The following METTL25 variants were observed in gnomAD, a reference collection of about 807,000 sequenced individuals.
METTL25 encodes the protein methyltransferase like 25, also known as probable methyltransferase-like protein 25.
In METTL25, 64 loss-of-function variants were observed where a neutral mutation model predicts 71.6. The observed-to-expected ratio is 0.89, with a 90% CI of 0.73 to 1.10. METTL25 has a LOEUF of 1.10. METTL25 is among the 50% of genes least tolerant of loss of function. The probability of loss-of-function intolerance (pLI) is 0.00; values close to 1 mark genes in which losing one functional copy is unlikely to be tolerated. For synonymous variants in METTL25, 287 were observed against 250.3 expected (o/e 1.15, Z -1.38); for missense variants, 807 against 707.0 (o/e 1.14, Z -1.60).
At chr12:82,459,302 A>C (rs1891700997) in intron 9 of METTL25, among the ~76,000 whole-genome samples, 1 of 152,216 alleles carries the variant, frequency 6.6e-6, no homozygotes, top group Non-Finnish European at 1.5e-5. Flanking sequence ...ATTTTTAAAA[A>C]GAGCTAAAAG....
At chr12:82,419,407 C>T (rs551983926) in intron 5 of METTL25, among the ~76,000 whole-genome samples, 9 of 152,162 alleles carry the variant, frequency 5.9e-5, no homozygotes, top group East Asian at 1.9e-4. Context: ...AGTTGTACAA[C>T]GAGAAGGCCT....
At chr12:82,464,761 A>C (rs987836844) in intron 9 of METTL25, among the ~76,000 whole-genome samples, 1 of 151,582 alleles carries the variant, frequency 6.6e-6, no homozygotes, top group African/African-American at 2.4e-5. Flanking sequence ...ATGTTTCTCC[A>C]TTTGTTTCTA....
At chr12:82,433,165 T>C (rs1344716058) in intron 6 of METTL25, among the ~76,000 whole-genome samples, 1 of 151,704 alleles carries the variant, frequency 6.6e-6, no homozygotes, top group Non-Finnish European at 1.5e-5. Context: ...TATTTCTAAA[T>C]TAAGCTTATC....
At chr12:82,402,361 A>G (rs1324103638) in intron 4 of METTL25, among the ~76,000 whole-genome samples, 1 of 152,126 alleles carries the variant, frequency 6.6e-6, no homozygotes. Context: ...AATTAATATT[A>G]TGGTCAAAGT....
At chr12:82,427,403 A>G (rs559773021) in intron 5 of METTL25, among the ~76,000 whole-genome samples, 2 of 152,040 alleles carry the variant, frequency 1.3e-5, no homozygotes, top group Admixed American at 1.3e-4. Flanking sequence ...GGTTTCTTGT[A>G]TTAGATTTTT....
rs145438439 is a variant in METTL25, at chr12:82,456,744, A to G, written c.1496A>G (p.Lys499Arg). Residue 499 changes from lysine to arginine, a missense_variant, in exon 9 of 12, where the codon AAA becomes AGA. Lys to Arg is a conservative substitution (Grantham distance 26, BLOSUM62 2). Transcript: ENST00000248306. ...GITKCDRHVG[K>R]IYSKCSSFLD... ...TTTTACAGTGATCGGCATGTTGGTA[A>G]AATTTATTCCAAATGTTCTTCTTTT... 463 of 1,597,790 alleles carry G rather than the reference A, an allele frequency of 2.9e-4. No individual in the cohort carries two copies. In the African/African-American group the frequency reaches 5.6e-3, roughly 19 times the overall value.
At chr12:82,377,857 A>C (rs1353899896) in intron 1 of METTL25, among the ~76,000 whole-genome samples, 1 of 152,240 alleles carries the variant, frequency 6.6e-6, no homozygotes, top group African/African-American at 2.4e-5. Flanking sequence ...AAGTATGCAC[A>C]AATATTCACA....
intron 5 of METTL25, among the ~76,000 whole-genome samples, chr12:82,409,545 T>C (rs905377433): frequency 6.6e-6 from 1 of 152,084 alleles, no homozygotes; most frequent in South Asian, 2.1e-4. Flanking sequence ...TCTTCTTTGC[T>C]AACTGAACCA....
intron 1 of METTL25, among the ~76,000 whole-genome samples, chr12:82,361,468 C>T (rs538720795): frequency 4.6e-5 from 7 of 151,970 alleles, no homozygotes; most frequent in Non-Finnish European, 7.4e-5. Context: ...AAGCAGGAGG[C>T]GGTGCTCGTT....
intron 8 of METTL25, chr12:82,451,376 C>A: frequency 2.7e-6 from 1 of 367,096 alleles, no homozygotes; most frequent in Non-Finnish European, 3.8e-6. Context: ...CCCACTGCAT[C>A]ATATCACTGT....
intron 5 of METTL25, among the ~76,000 whole-genome samples, chr12:82,417,274 A>T (rs1044808845): frequency 3.9e-5 from 6 of 152,178 alleles, no homozygotes; most frequent in Non-Finnish European, 8.8e-5. Context: ...TTATTGTTTC[A>T]AAGCATTATA....
At chr12:82,437,642 G>C (rs1890017434) in intron 7 of METTL25, among the ~76,000 whole-genome samples, 1 of 151,630 alleles carries the variant, frequency 6.6e-6, no homozygotes, top group African/African-American at 2.4e-5. Flanking sequence ...ATTTATTCTA[G>C]TTGAAAACAT....
intron 8 of METTL25, among the ~76,000 whole-genome samples, chr12:82,450,229 G>A (rs1361274275): frequency 6.6e-6 from 1 of 151,628 alleles, no homozygotes; most frequent in African/African-American, 2.4e-5. Context: ...CATCCCATCT[G>A]GTGGCTTTAA....
At chr12:82,417,977 AAGAAC>A (rs1888136152) in intron 5 of METTL25, among the ~76,000 whole-genome samples, 1 of 152,128 alleles carries the variant, frequency 6.6e-6, no homozygotes, top group Non-Finnish European at 1.5e-5. Context: ...CCTTTCAAGA[AAGAAC>A]AGAGATGAGC....
At chr12:82,389,607 A>G (rs1021518906) in intron 2 of METTL25, among the ~76,000 whole-genome samples, 6 of 151,984 alleles carry the variant, frequency 3.9e-5, no homozygotes, top group South Asian at 2.1e-4. Flanking sequence ...TTGTTACGGA[A>G]TAGTTTTAAT....
chr12:82,368,314 C>T (rs548439971), intron 1 of METTL25, among the ~76,000 whole-genome samples: 1 of 152,262 alleles, frequency 6.6e-6, no homozygotes, highest in African/African-American at 2.4e-5. Flanking sequence ...AATATGGTGC[C>T]TACATTTTTT....
At chr12:82,416,097 G>T (rs1592684755) in intron 5 of METTL25, among the ~76,000 whole-genome samples, 1 of 152,038 alleles carries the variant, frequency 6.6e-6, no homozygotes, top group Non-Finnish European at 1.5e-5. Context: ...AGCAGTAGGG[G>T]CTCAGTCCAT....
chr12:82,410,640 A>G (rs979447086), intron 5 of METTL25, among the ~76,000 whole-genome samples: 3 of 152,064 alleles, frequency 2.0e-5, no homozygotes, highest in African/African-American at 4.8e-5. Flanking sequence ...GGAAATCTCT[A>G]TGGATCAAGA....
chr12:82,388,598 A>C (rs1026966639), intron 2 of METTL25, among the ~76,000 whole-genome samples: 1 of 152,052 alleles, frequency 6.6e-6, no homozygotes, highest in Non-Finnish European at 1.5e-5. Context: ...TAAGGGCCAC[A>C]GTTTGGGCAT....
Sources: gnomAD v4.1 joint callset for allele counts (sites outside exome capture counted in the v4.1 genomes callset) on GRCh38, gnomAD v4.1.1 for gene constraint, MANE v1.5 for transcripts, NCBI Gene and HGNC (gene_info 2026-07-23, HGNC 2026-07-21) for gene names.